Variants in ASTN2 observed in about 807,000 individuals in gnomAD.
ASTN2 encodes astrotactin 2.
In ASTN2, 54 loss-of-function variants were observed where a neutral mutation model predicts 139.8. The observed-to-expected ratio is 0.39, with a 90% CI of 0.31 to 0.48. The LOEUF (loss-of-function observed/expected upper bound fraction) is 0.48, where lower values mean the gene tolerates loss of function less well. Among genes scored for constraint, ASTN2 ranks in the 20% least tolerant of loss-of-function variants. ASTN2 has a pLI of 0.95. For missense variants in ASTN2, 1,565 were observed against 1,725.1 expected, an observed-to-expected ratio of 0.91 and a Z score of 1.64; for synonymous variants, 756 against 719.5, an observed-to-expected ratio of 1.05 and a Z score of -0.81.
intron 3 of ASTN2, chr9:117,180,770 C>G: frequency 6.4e-7 from 1 of 1,562,404 alleles, no homozygotes; most frequent in Non-Finnish European, 8.7e-7. Context: ...CCACAGCCAT[C>G]AGGGATGAGC....
At chr9:117,073,547 C>A in intron 5 of ASTN2, among the ~76,000 whole-genome samples, 1 of 152,128 alleles carries the variant, frequency 6.6e-6, no homozygotes, top group African/African-American at 2.4e-5. Context: ...ATTTTTCTCC[C>A]AACAGACTGT....
intron 11 of ASTN2, among the ~76,000 whole-genome samples, chr9:116,845,536 A>C (rs971674235): frequency 2.0e-4 from 31 of 152,152 alleles, no homozygotes; most frequent in African/African-American, 7.0e-4. Flanking sequence ...TGTGCCAAAC[A>C]ACAAAAAACA....
At chr9:117,131,544 C>T (rs1209603027) in intron 4 of ASTN2, among the ~76,000 whole-genome samples, 3 of 152,088 alleles carry the variant, frequency 2.0e-5, no homozygotes, top group Non-Finnish European at 2.9e-5. Context: ...TTCTGCAAAT[C>T]CAGGAGAAAT....
Position 116,651,642 on chromosome 9 carries a change from G to A in ASTN2, c.2958C>T (p.Thr986=). The A allele has an allele frequency of 6.2e-7, 1 of 1,614,188 alleles. No homozygotes were observed. Among genetic ancestry groups the A allele is most frequent in the South Asian group, 1.1e-5 (1 of 91,080 alleles). The change falls in exon 17 of 23, where the codon ACC becomes ACT. Residue 986 remains threonine, a synonymous_variant. Transcript: ENST00000313400. ...RCEEKGRCPS[T]CHLCRRPGKE... is the part of the protein sequence containing the mutation. Reference sequence around the variant, plus strand: ...TGCCTGGCCGGCGGCAAAGGTGACAGGTAGATGGACAGCGCCCCTTCTCCT... The same window carrying A: ...TGCCTGGCCGGCGGCAAAGGTGACAAGTAGATGGACAGCGCCCCTTCTCCT...
chr9:117,406,986 C>A (rs1256506528), intron 1 of ASTN2, among the ~76,000 whole-genome samples: 1 of 152,076 alleles, frequency 6.6e-6, no homozygotes, highest in East Asian at 1.9e-4. Flanking sequence ...CAGTGACTCT[C>A]ACATCACTGG....
At chr9:116,484,289 C>T (rs1189565745) in intron 20 of ASTN2, among the ~76,000 whole-genome samples, 2 of 152,202 alleles carry the variant, frequency 1.3e-5, no homozygotes, top group African/African-American at 4.8e-5. Context: ...TTCCCTACAA[C>T]CCTTTGAGAT....
At chr9:116,471,958 G>A (rs542331079) in intron 20 of ASTN2, among the ~76,000 whole-genome samples, 16 of 152,112 alleles carry the variant, frequency 1.1e-4, no homozygotes, top group African/African-American at 2.9e-4. Flanking sequence ...AACAAAACCC[G>A]CGAGTGCAAC....
intron 11 of ASTN2, among the ~76,000 whole-genome samples, chr9:116,849,423 C>G (rs374720117): frequency 6.6e-6 from 1 of 152,110 alleles, no homozygotes. Flanking sequence ...CATTAGTATA[C>G]AAAAGACACT....
intron 6 of ASTN2, among the ~76,000 whole-genome samples, chr9:117,037,420 A>G (rs147005769): frequency 1.1e-4 from 17 of 152,294 alleles, no homozygotes; most frequent in African/African-American, 3.8e-4. Context: ...TAGGTGTTGT[A>G]GTCTTCAGAA....
At chr9:117,190,751 T>G (rs2132967043) in intron 3 of ASTN2, among the ~76,000 whole-genome samples, 1 of 152,280 alleles carries the variant, frequency 6.6e-6, no homozygotes, top group East Asian at 1.9e-4. Flanking sequence ...AGTTTTCATG[T>G]GTTATCTGAT....
chr9:116,480,644 G>A (rs1248769393), intron 20 of ASTN2, among the ~76,000 whole-genome samples: 2 of 152,164 alleles, frequency 1.3e-5, no homozygotes, highest in Non-Finnish European at 2.9e-5. Flanking sequence ...CAGGCAGGTA[G>A]ATAAAAGTGG....
At chr9:116,961,601 T>C (rs931158071) in intron 10 of ASTN2, among the ~76,000 whole-genome samples, 1 of 152,194 alleles carries the variant, frequency 6.6e-6, no homozygotes, top group Non-Finnish European at 1.5e-5. Context: ...TGTTGACAGA[T>C]AGTTGAGTTG....
intron 19 of ASTN2, chr9:116,562,080 C>G (rs1852943305): frequency 6.6e-6 from 1 of 152,216 alleles, no homozygotes; most frequent in South Asian, 2.1e-4. Context: ...TGAGGTTAAA[C>G]CAAAGAACAG....
chr9:116,908,340 T>A (rs888715741), intron 10 of ASTN2, among the ~76,000 whole-genome samples: 3 of 152,176 alleles, frequency 2.0e-5, no homozygotes, highest in Non-Finnish European at 4.4e-5. Flanking sequence ...CTTTTCCTCA[T>A]CTGTAAAATG....
rs115443927 is a variant in ASTN2, at chr9:116,956,991, G to A, written c.1889+18217C>T. 5.9e-3 allele frequency among the ~76,000 whole-genome samples: 898 copies of A among 151,462 alleles called. 10 individuals carry two copies. Among genetic ancestry groups the A allele is most frequent in the African/African-American group, 0.021 (851 of 41,316 alleles). ...TGAAAGATTTAATATTGTTAACATG[G>A]TAACAATCCCCACAAGGATGTACTG... On this transcript the variant is annotated intron_variant, in intron 10 of 22. Coordinates refer to ENST00000313400, the MANE Select transcript of ASTN2 (RefSeq NM_001365068.1).
At chr9:117,006,575 C>T (rs1385532802) in intron 7 of ASTN2, among the ~76,000 whole-genome samples, 1 of 152,134 alleles carries the variant, frequency 6.6e-6, no homozygotes, top group Non-Finnish European at 1.5e-5. Flanking sequence ...GGCCTTTGAA[C>T]ACCCCTGAAT....
At chr9:116,468,039 G>T (rs1848703490) in intron 20 of ASTN2, among the ~76,000 whole-genome samples, 1 of 152,154 alleles carries the variant, frequency 6.6e-6, no homozygotes, top group Admixed American at 6.5e-5. Flanking sequence ...GTTCAGAAAG[G>T]ACTAGCTTCT....
At chr9:116,759,754 C>T (rs1829627604) in intron 13 of ASTN2, among the ~76,000 whole-genome samples, 1 of 151,978 alleles carries the variant, frequency 6.6e-6, no homozygotes, top group South Asian at 2.1e-4. Flanking sequence ...TGTTTATTTT[C>T]TCTCTGCTGC....
At chr9:116,612,419 T>C (rs1588081702) in intron 19 of ASTN2, 1 of 152,322 alleles carries the variant, frequency 6.6e-6, no homozygotes, top group Non-Finnish European at 1.5e-5. Context: ...AGAATATACA[T>C]TCTTCTCAGC....
Sources: allele counts gnomAD v4.1 joint callset (sites outside exome capture counted in the v4.1 genomes callset), GRCh38; gene constraint gnomAD v4.1.1; transcripts MANE v1.5; gene names NCBI Gene and HGNC (gene_info 2026-07-23, HGNC 2026-07-21).